EHMT1: variants seen among roughly 807,000 people sequenced by gnomAD.
EHMT1 encodes histone-lysine N-methyltransferase EHMT1.
Under a neutral mutation model 147.2 loss-of-function variants are expected in EHMT1, and 15 were observed. The ratio of observed to expected loss-of-function variants is 0.10; its 90% CI spans 0.07 to 0.16. The LOEUF is 0.16. Ranked by LOEUF, EHMT1 falls within the 10% of genes least tolerant of loss-of-function variation. The pLI is 1.00. For missense variants in EHMT1, 1,587 were observed against 1,772.4 expected (o/e 0.90, Z 1.88); for synonymous variants, 795 against 709.6 (o/e 1.12, Z -1.91).
chr9:137,751,724 A>T (rs1346288663), intron 6 of EHMT1, among the ~76,000 whole-genome samples: 1 of 152,198 alleles, frequency 6.6e-6, no homozygotes, highest in African/African-American at 2.4e-5. Flanking sequence ...AATTAGAAGA[A>T]AATAATATTC....
chr9:137,628,858 T>C (rs1403938345), intron 1 of EHMT1, among the ~76,000 whole-genome samples: 1 of 152,260 alleles, frequency 6.6e-6, no homozygotes, highest in African/African-American at 2.4e-5. Context: ...TTCTGCTTCC[T>C]GTCATGTGCT....
At chr9:137,765,494 A>G (rs1032933703) in intron 10 of EHMT1, among the ~76,000 whole-genome samples, 1 of 152,114 alleles carries the variant, frequency 6.6e-6, no homozygotes, top group African/African-American at 2.4e-5. Flanking sequence ...TATTTTTTGG[A>G]TAGAAAACTC....
intron 10 of EHMT1, among the ~76,000 whole-genome samples, chr9:137,773,320 G>T (rs1470334157): frequency 6.6e-6 from 1 of 152,134 alleles, no homozygotes; most frequent in Non-Finnish European, 1.5e-5. Flanking sequence ...GGTGGTGGTG[G>T]TGTGGAGGGG....
In EHMT1 at chr9:137,646,374, G is replaced by T. The variant is rs574700831; in HGVS notation, c.21+27325G>T. 25 of 985,512 alleles carry T rather than the reference G, an allele frequency of 2.5e-5. No homozygotes were observed. In the African/African-American group the frequency reaches 4.0e-4, roughly 16 times the overall value. 61.0% of individuals were successfully genotyped at this position (985,512 alleles called of 1,614,324 possible). A position where few individuals can be genotyped will look rare whatever the true frequency, so the allele number is the denominator to read the frequency against. ...GAGGAACATTTCAAGTTTGTGCTGC[G>T]GGCAAGAATCCTGTGACCACGGGGA... On this transcript the variant is annotated intron_variant, in intron 1 of 26. Coordinates refer to ENST00000460843, the MANE Select transcript of EHMT1 (RefSeq NM_024757.5).
At chr9:137,640,211 G>A (rs1414261073) in intron 1 of EHMT1, among the ~76,000 whole-genome samples, 4 of 151,882 alleles carry the variant, frequency 2.6e-5, no homozygotes, top group African/African-American at 4.8e-5. Flanking sequence ...CTGGGATTAC[G>A]GGTGTGAGCC....
chr9:137,817,940 C>G, intron 24 of EHMT1, 120 bp from the exon 25 acceptor site: 1 of 953,912 alleles, frequency 1.0e-6, no homozygotes, highest in Admixed American at 1.7e-5. Flanking sequence ...TAAACATGTT[C>G]CCTGCATGTT....
chr9:137,769,588 A>G (rs553532997), intron 10 of EHMT1, among the ~76,000 whole-genome samples: 6 of 151,850 alleles, frequency 4.0e-5, no homozygotes, highest in Non-Finnish European at 5.9e-5. Context: ...CTAATGAGAC[A>G]TTGGCTGAAC....
In EHMT1 at chr9:137,664,321, G is replaced by C. The variant is rs111966794; in HGVS notation, c.21+45272G>C. ...TTTTTTTTTCTTTTGAGACTGAGTC[G>C]TGCTCTGTCGCTCAGGCTGGAGTGC... On this transcript the variant is annotated intron_variant, in intron 1 of 26. Coordinates refer to ENST00000460843, the MANE Select transcript of EHMT1 (RefSeq NM_024757.5). 6.9e-3 allele frequency among the ~76,000 whole-genome samples: 1,030 copies of C among 148,480 alleles called. 7 individuals carry two copies. The highest frequency in any genetic ancestry group is 0.024 in the African/African-American group (971 of 40,138).
intron 1 of EHMT1, among the ~76,000 whole-genome samples, chr9:137,708,250 G>A (rs1944422148): frequency 6.6e-6 from 1 of 152,204 alleles, no homozygotes; most frequent in African/African-American, 2.4e-5. Context: ...TCTGCACCCA[G>A]CCTGAGGTGA....
rs747033342 is a variant in EHMT1, at chr9:137,769,223, T to C, written c.1648-5886T>C. 2.0e-4 allele frequency among the ~76,000 whole-genome samples: 30 copies of C among 152,294 alleles called. No homozygotes were observed. In the Middle Eastern group the frequency reaches 0.01, roughly 52 times the overall value. On this transcript the variant is annotated intron_variant, in intron 10 of 26. Coordinates refer to ENST00000460843, the MANE Select transcript of EHMT1 (RefSeq NM_024757.5). ...TTCTGCGTTTTAATTTTATATATGCTAAAACTCTACAGTATATTGGCTATT... is the reference window on the plus strand; with the variant it reads ...TTCTGCGTTTTAATTTTATATATGCCAAAACTCTACAGTATATTGGCTATT...
At chr9:137,675,984 C>G (rs949309358) in intron 1 of EHMT1, 1 of 151,046 alleles carries the variant, frequency 6.6e-6, no homozygotes, top group African/African-American at 2.4e-5. Context: ...GGGGTTTCAC[C>G]GTTTTTAGCC....
At chr9:137,674,486 G>A (rs912499064) in intron 1 of EHMT1, among the ~76,000 whole-genome samples, 2 of 152,118 alleles carry the variant, frequency 1.3e-5, no homozygotes, top group African/African-American at 2.4e-5. Flanking sequence ...CCTGACTCTC[G>A]GCTCCAGCGC....
Position 137,807,453 on chromosome 9 carries a change from A to G in EHMT1, c.2713-4008A>G, listed in dbSNP as rs150754718. 4.4e-3 allele frequency among the ~76,000 whole-genome samples: 673 copies of G among 151,516 alleles called. 4 individuals carry two copies. The highest frequency in any genetic ancestry group is 0.016 in the African/African-American group (641 of 41,302). On this transcript the variant is annotated intron_variant, in intron 18 of 26. Coordinates refer to ENST00000460843, the MANE Select transcript of EHMT1 (RefSeq NM_024757.5). The stretch of plus-strand genomic sequence containing the variant: ...TACTTAACTTTCGAACCTATAGAAT[A>G]CAGTTATACCAATGGCTTTATTTAC...
intron 6 of EHMT1, among the ~76,000 whole-genome samples, chr9:137,750,247 T>TTTTTAAAGA (rs1324605862): frequency 2.7e-5 from 3 of 113,116 alleles, no homozygotes; most frequent in African/African-American, 1.8e-4. Context: ...TCTAGGGATA[T>TTTTTAAAGA]TTTTAAAGAT....
chr9:137,681,414 A>G (rs1047195674), intron 1 of EHMT1, among the ~76,000 whole-genome samples: 1 of 152,232 alleles, frequency 6.6e-6, no homozygotes, highest in Non-Finnish European at 1.5e-5. Flanking sequence ...TATAAAATAT[A>G]TAATTATAGA....
rs775220788 is a variant in EHMT1, at chr9:137,834,939, G to T, written c.3883G>T (p.Ala1295Ser). ...GCCCGACACCAGCTCCGCGGCTGCC[G>T]CCGACCCCCTATGAGACGCCGCCGG... ...GLPDTSSAAA[A>S]DPL The change falls in exon 27 of 27, where the codon GCC becomes TCC. Residue 1295 changes from alanine to serine, a missense_variant. Around this residue, in one of 7 missense-constraint regions of EHMT1, gnomAD observed 141 missense variants for 150.8 expected, o/e 0.94. Coordinates refer to ENST00000460843, the MANE Select transcript of EHMT1 (RefSeq NM_024757.5). 6.6e-7 allele frequency: 1 copy of T among 1,513,938 alleles called. No individual in the cohort carries two copies. Among genetic ancestry groups the T allele is most frequent in the South Asian group, 1.3e-5 (1 of 79,080 alleles). 93.8% of individuals were successfully genotyped at this position (1,513,938 alleles called of 1,614,324 possible).
At chr9:137,713,642 G>T (rs1944945057) in intron 2 of EHMT1, among the ~76,000 whole-genome samples, 1 of 151,324 alleles carries the variant, frequency 6.6e-6, no homozygotes, top group Admixed American at 6.6e-5. Flanking sequence ...TTTGATCATT[G>T]ATACTGTATA....
At chr9:137,684,920 A>G (rs1370645471) in intron 1 of EHMT1, among the ~76,000 whole-genome samples, 1 of 152,070 alleles carries the variant, frequency 6.6e-6, no homozygotes, top group Non-Finnish European at 1.5e-5. Context: ...TTATTTTCTG[A>G]TTTGAATTAC....
At chr9:137,824,434 G>A (rs1564830628) in intron 25 of EHMT1, among the ~76,000 whole-genome samples, 1 of 151,890 alleles carries the variant, frequency 6.6e-6, no homozygotes, top group Non-Finnish European at 1.5e-5. Flanking sequence ...GCCAGGTAGT[G>A]TTAGGTCCTC....
Sources: allele counts gnomAD v4.1 joint callset (sites outside exome capture counted in the v4.1 genomes callset), GRCh38; gene constraint gnomAD v4.1.1; regional missense constraint gnomAD v4.1.1; transcripts MANE v1.5; gene names NCBI Gene and HGNC (gene_info 2026-07-23, HGNC 2026-07-21).